Variants in ZFHX3 observed in about 807,000 individuals in gnomAD.
ZFHX3 encodes zinc finger homeobox 3, also known as zinc finger homeobox protein 3.
In ZFHX3, 42 loss-of-function variants were observed where a neutral mutation model predicts 279.1. That is an observed-to-expected ratio of 0.15 (90% CI 0.12 to 0.19). The LOEUF is 0.19. Ranked by LOEUF, ZFHX3 falls within the 10% of genes least tolerant of loss-of-function variation. The probability of loss-of-function intolerance (pLI) is 1.00; values close to 1 mark genes in which losing one functional copy is unlikely to be tolerated. For missense variants in ZFHX3, 4,981 were observed against 4,754.0 expected (o/e 1.05, Z -1.40); for synonymous variants, 2,293 against 1,957.8 (o/e 1.17, Z -4.52).
At position 72,797,152 on chromosome 16, in the gene ZFHX3, G is replaced by C; in HGVS notation, c.5530C>G (p.Gln1844Glu). Reference sequence around the variant, plus strand: ...TGCGGCAAGATCTGCTGATGGCTCTGCTGTGGGACCTGAACCTGAGCCTTC... The same window carrying C: ...TGCGGCAAGATCTGCTGATGGCTCTCCTGTGGGACCTGAACCTGAGCCTTC... ...DLKAQVQVPQ[Q>E]SHQQILPQQQ... Residue 1844 changes from glutamine to glutamate, a missense_variant, in exon 9 of 10, where the codon CAG becomes GAG. Physicochemically the swap from Gln to Glu is conservative, Grantham distance 29 (BLOSUM62 2). Transcript: ENST00000268489. 6.2e-7 allele frequency: 1 copy of C among 1,613,904 alleles called. No homozygotes were observed. The highest frequency in any genetic ancestry group is 1.7e-5 in the Admixed American group (1 of 60,024).
chr16:73,125,526 C>T (rs1429218022), intron 7 of ZFHX3, among the ~76,000 whole-genome samples: 1 of 151,910 alleles, frequency 6.6e-6, no homozygotes, highest in African/African-American at 2.4e-5. Flanking sequence ...GCAGACCCAC[C>T]CTTAACCTGG....
intron 1 of ZFHX3, among the ~76,000 whole-genome samples, chr16:73,687,425 G>C (rs1242360713): frequency 6.6e-6 from 1 of 151,596 alleles, no homozygotes; most frequent in Non-Finnish European, 1.5e-5. Flanking sequence ...TTTATTACTA[G>C]ATAAATTTAT....
intron 3 of ZFHX3, among the ~76,000 whole-genome samples, chr16:73,382,481 C>T (rs775884608): frequency 2.6e-5 from 4 of 152,086 alleles, no homozygotes; most frequent in Non-Finnish European, 5.9e-5. Flanking sequence ...GATTGGAGCC[C>T]TTGGAGGTTT....
chr16:73,118,398 G>C (rs1470513401), intron 7 of ZFHX3, among the ~76,000 whole-genome samples: 1 of 151,918 alleles, frequency 6.6e-6, no homozygotes, highest in Non-Finnish European at 1.5e-5. Context: ...TAGTAGAGAT[G>C]GGGTTTCATC....
chr16:73,868,390 G>A (rs1282464710), intron 1 of ZFHX3, among the ~76,000 whole-genome samples: 4 of 152,198 alleles, frequency 2.6e-5, no homozygotes, highest in African/African-American at 9.6e-5. Context: ...CGGGCCTGGT[G>A]GCATGTGCCT....
At chr16:73,711,860 G>A (rs1428879645) in intron 1 of ZFHX3, among the ~76,000 whole-genome samples, 1 of 152,162 alleles carries the variant, frequency 6.6e-6, no homozygotes, top group South Asian at 2.1e-4. Flanking sequence ...TCTCTGGCTG[G>A]AAGAGATCTC....
intron 4 of ZFHX3, among the ~76,000 whole-genome samples, chr16:73,301,979 G>A (rs188613035): frequency 3.7e-4 from 57 of 152,044 alleles, no homozygotes; most frequent in East Asian, 9.7e-4. Context: ...ACAAACCCAC[G>A]CAGGTGCGCC....
At chr16:73,792,541 C>T (rs566147057) in intron 1 of ZFHX3, among the ~76,000 whole-genome samples, 2 of 152,282 alleles carry the variant, frequency 1.3e-5, no homozygotes, top group South Asian at 2.1e-4. Context: ...GGTTTACGCT[C>T]GCATTTGTCC....
At chr16:73,071,516 A>G (rs6499608) in intron 8 of ZFHX3, among the ~76,000 whole-genome samples, 142,264 of 152,172 alleles carry the variant, frequency 0.93, 66,550 homozygotes, top group East Asian at 1. Flanking sequence ...TGCTCATTCT[A>G]TCAGGGGCTG....
chr16:73,252,331 T>C (rs2144958140), intron 5 of ZFHX3, among the ~76,000 whole-genome samples: 1 of 152,266 alleles, frequency 6.6e-6, no homozygotes, highest in African/African-American at 2.4e-5. Flanking sequence ...GGGCAGGCAT[T>C]GACGGCTGGA....
rs369461787 is a variant in ZFHX3, at chr16:73,509,617, T to G, written c.-1546-53359A>C. Among the ~76,000 whole-genome samples, 317 of 139,784 alleles carry G rather than the reference T, an allele frequency of 2.3e-3. 4 individuals are homozygous for G. Among genetic ancestry groups the G allele is most frequent in the African/African-American group, 7.8e-3 (279 of 35,976 alleles). The allele number at this position is 139,784 out of a possible 152,430, so 91.7% of individuals were successfully genotyped here. A position where few individuals can be genotyped will look rare whatever the true frequency, so the allele number is the denominator to read the frequency against. The stretch of plus-strand genomic sequence containing the variant: ...TTGGCTCACTGCAACCTCCACCCCC[T>G]GGGTTCAAGCGATTCTCCTGCCTCA... On this transcript the variant is annotated intron_variant, in intron 2 of 17. Coordinates refer to the ZFHX3 transcript ENST00000641206.
At chr16:73,412,662 A>C (rs2017494304) in intron 3 of ZFHX3, among the ~76,000 whole-genome samples, 1 of 152,172 alleles carries the variant, frequency 6.6e-6, no homozygotes, top group African/African-American at 2.4e-5. Flanking sequence ...TTAGTATCGG[A>C]CTTTAGACAC....
intron 1 of ZFHX3, among the ~76,000 whole-genome samples, chr16:73,029,252 C>T (rs1402790404): frequency 1.3e-5 from 2 of 152,196 alleles, no homozygotes; most frequent in African/African-American, 2.4e-5. Flanking sequence ...CAGCTAGCAT[C>T]GATGAACCAC....
chr16:73,772,499 T>C (rs2054029543), intron 1 of ZFHX3, among the ~76,000 whole-genome samples: 1 of 152,156 alleles, frequency 6.6e-6, no homozygotes, highest in Non-Finnish European at 1.5e-5. Context: ...GAATTCAAGA[T>C]GAGATTTAGG....
intron 4 of ZFHX3, among the ~76,000 whole-genome samples, chr16:73,268,333 A>G (rs1210121883): frequency 6.6e-6 from 1 of 152,212 alleles, no homozygotes; most frequent in African/African-American, 2.4e-5. Context: ...CTCAAACTCT[A>G]TATGAATCTG....
intron 8 of ZFHX3, among the ~76,000 whole-genome samples, chr16:73,077,217 T>C (rs563018671): frequency 1.3e-5 from 2 of 152,310 alleles, no homozygotes; most frequent in African/African-American, 2.4e-5. Flanking sequence ...ATAGATTATA[T>C]TGATCATTTC....
In ZFHX3 at chr16:73,311,393, G is replaced by A. The variant is rs931154430; in HGVS notation, c.-1194+6847C>T. Among the ~76,000 whole-genome samples the A allele has an allele frequency of 3.9e-5, 6 of 152,072 alleles. 1 individual carries two copies. Among genetic ancestry groups the A allele is most frequent in the African/African-American group, 4.8e-5 (2 of 41,494 alleles). On this transcript the variant is annotated intron_variant, in intron 4 of 17. Transcript: ENST00000641206. ...GCAGATCACCTGAGGTCAGAAGTTC[G>A]AGACCAGCCTGGCCAACATGGTGAA... is the stretch of plus-strand genomic sequence containing the variant.
At chr16:73,857,453 C>T (rs1281134332) in intron 1 of ZFHX3, among the ~76,000 whole-genome samples, 1 of 152,112 alleles carries the variant, frequency 6.6e-6, no homozygotes, top group Non-Finnish European at 1.5e-5. Flanking sequence ...TAAAGTAACC[C>T]CACTTGTTCC....
chr16:73,222,141 AATT>A (rs1014408652), intron 5 of ZFHX3, among the ~76,000 whole-genome samples: 2 of 152,056 alleles, frequency 1.3e-5, no homozygotes, highest in Non-Finnish European at 2.9e-5. Context: ...TTCTAGTTAT[AATT>A]ATTTCCTAAA....
Sources: allele counts gnomAD v4.1 joint callset (sites outside exome capture counted in the v4.1 genomes callset), GRCh38; gene constraint gnomAD v4.1.1; transcripts MANE v1.5; gene names NCBI Gene and HGNC (gene_info 2026-07-23, HGNC 2026-07-21).